VPS13A: variants seen among roughly 807,000 people sequenced by gnomAD.
The protein encoded by VPS13A is vacuolar protein sorting 13 homolog A.
In VPS13A, 264 loss-of-function variants were observed where a neutral mutation model predicts 390.9. The observed-to-expected ratio is 0.68, with a 90% CI of 0.61 to 0.75. VPS13A has a LOEUF of 0.75. Among genes scored for constraint, VPS13A ranks in the 30% least tolerant of loss-of-function variants. The pLI is 0.00. For missense variants in VPS13A, 3,409 were observed against 3,733.9 expected, an observed-to-expected ratio of 0.91 and a Z score of 2.27; for synonymous variants, 1,231 against 1,227.1, an observed-to-expected ratio of 1.00 and a Z score of -0.07.
At chr9:77,413,961 T>C (rs1347167963) in intron 71 of VPS13A, among the ~76,000 whole-genome samples, 2 of 152,294 alleles carry the variant, frequency 1.3e-5, no homozygotes, top group East Asian at 3.9e-4. Flanking sequence ...AAAGAAGACA[T>C]TTATGCAGCC....
At position 77,295,634 on chromosome 9, in the gene VPS13A, C is replaced by G. The variant is rs376174010; in HGVS notation, c.3600C>G (p.Leu1200=). The G allele has an allele frequency of 1.9e-6, 3 of 1,613,858 alleles. No individual in the cohort carries two copies. Among genetic ancestry groups the G allele is most frequent in the African/African-American group, 1.3e-5 (1 of 74,896 alleles). The change falls in exon 33 of 72, where the codon CTC becomes CTG. Residue 1200 remains leucine, a synonymous_variant. Transcript: ENST00000360280. The part of the protein sequence containing the change: ...AGMAATGVKE[L]AQRSSRMALD... The stretch of plus-strand genomic sequence containing the variant: ...TGGCTGCTACTGGTGTAAAAGAACT[C>G]GCACAAAGGAGTTCCAGAATGGCAC...
In VPS13A at chr9:77,206,155, T is replaced by C. The variant is rs73651497; in HGVS notation, c.385+76T>C. On this transcript the variant is annotated intron_variant, in intron 5 of 71. Coordinates refer to ENST00000360280, the MANE Select transcript of VPS13A (RefSeq NM_033305.3). ...AAATATTTATCATAATTGAATATTA[T>C]TTTTCTCTGGAGATGCTGAGATTAT... is the stretch of plus-strand genomic sequence containing the variant. 3,344 of 1,032,214 alleles carry C rather than the reference T, an allele frequency of 3.2e-3. 70 individuals carry two copies. The African/African-American group carries it at 0.049, about 15-fold the overall frequency. The allele number at this position is 1,032,214 out of a possible 1,614,324, so 63.9% of individuals were successfully genotyped here.
intron 11 of VPS13A, 84 bp downstream of exon 11, chr9:77,220,165 CATG>C: frequency 6.6e-7 from 1 of 1,520,312 alleles, no homozygotes; most frequent in Non-Finnish European, 9.0e-7. Context: ...CACTAAAATT[CATG>C]ATGTTATATG....
chr9:77,338,815 ATAGAACTTTTAATTGGATGCTGT>A, intron 47 of VPS13A: 1 of 152,432 alleles, frequency 6.6e-6, no homozygotes, highest in Non-Finnish European at 1.5e-5. Context: ...TTCTGTTCTC[ATAGAACTTTTAATTGGATGCTGT>A]TAGTGATCAC....
At chr9:77,321,423 C>CT in intron 43 of VPS13A, 68 bp from the exon 44 acceptor site, 1 of 1,594,274 alleles carries the variant, frequency 6.3e-7, no homozygotes, top group Non-Finnish European at 8.6e-7. Flanking sequence ...GTCATTTGTC[C>CT]TTTACTGTTC....
rs1223385376 is a variant in VPS13A at position 77,420,649 on chromosome 9, G to GA, written c.*4647dup. ...TGATAGATATCACACTGCTATGATA[G>GA]AAAATCCCTGTCTGTCATTGAACTA... On this transcript the variant is annotated 3_prime_UTR_variant, in exon 72 of 72. Coordinates refer to ENST00000360280, the MANE Select transcript of VPS13A (RefSeq NM_033305.3). 4 of 152,104 alleles carry GA rather than the reference G, an allele frequency of 2.6e-5. No individual in the cohort carries two copies. Among genetic ancestry groups the GA allele is most frequent in the African/African-American group, 9.7e-5 (4 of 41,410 alleles). The allele number at this position is 152,104 out of a possible 1,614,324, so 9.4% of individuals were successfully genotyped here. A position where few individuals can be genotyped will look rare whatever the true frequency, so the allele number is the denominator to read the frequency against.
chr9:77,290,832 A>G (rs150272593), intron 31 of VPS13A, among the ~76,000 whole-genome samples: 2 of 152,242 alleles, frequency 1.3e-5, no homozygotes, highest in East Asian at 1.9e-4. Context: ...TTCACCATCT[A>G]TTCATGCATA....
intron 41 of VPS13A, 80 bp from the exon 42 acceptor site, chr9:77,319,492 T>C: frequency 2.1e-6 from 2 of 949,976 alleles, no homozygotes; most frequent in South Asian, 1.4e-5. Flanking sequence ...GGTTTTTATA[T>C]AGAAGAAATA....
At chr9:77,195,474 C>T (rs186506323) in intron 1 of VPS13A, among the ~76,000 whole-genome samples, 15 of 152,118 alleles carry the variant, frequency 9.9e-5, no homozygotes, top group Non-Finnish European at 2.1e-4. Context: ...CAGTGGCTCA[C>T]GCCTGTAATC....
At chr9:77,196,488 C>T (rs1220297521) in intron 1 of VPS13A, among the ~76,000 whole-genome samples, 1 of 152,134 alleles carries the variant, frequency 6.6e-6, no homozygotes, top group African/African-American at 2.4e-5. Context: ...TCCCCTCTCG[C>T]CAGTATTCCC....
intron 17 of VPS13A, 107 bp downstream of exon 17, chr9:77,228,371 T>C (rs1238544585): frequency 2.7e-6 from 3 of 1,126,800 alleles, no homozygotes; most frequent in African/African-American, 1.6e-5. Context: ...TAGTTTCATA[T>C]ATCCTTTTGT....
At chr9:77,305,174 G>A (rs1441654915) in intron 34 of VPS13A, among the ~76,000 whole-genome samples, 8 of 152,030 alleles carry the variant, frequency 5.3e-5, no homozygotes, top group Middle Eastern at 3.2e-3. Flanking sequence ...TCCTGACCTC[G>A]TGATCCACCC....
intron 46 of VPS13A, among the ~76,000 whole-genome samples, chr9:77,333,229 G>A (rs1204599562): frequency 6.6e-6 from 1 of 151,974 alleles, no homozygotes; most frequent in Non-Finnish European, 1.5e-5. Context: ...TATATATTTT[G>A]TATCTCTGTC....
At chr9:77,231,697 T>C (rs941611681) in intron 17 of VPS13A, among the ~76,000 whole-genome samples, 2 of 152,168 alleles carry the variant, frequency 1.3e-5, no homozygotes, top group Admixed American at 6.5e-5. Context: ...TTCTATTCTT[T>C]ATTTTGTGAT....
intron 22 of VPS13A, 97 bp downstream of exon 22, chr9:77,252,449 G>T (rs1173225584): frequency 3.1e-6 from 3 of 977,612 alleles, no homozygotes; most frequent in Non-Finnish European, 5.0e-6. Context: ...TGTGTGTGGT[G>T]AAATGTATAT....
chr9:77,204,900 AT>A (rs1825548603), intron 3 of VPS13A, among the ~76,000 whole-genome samples: 1 of 152,180 alleles, frequency 6.6e-6, no homozygotes, highest in East Asian at 1.9e-4. Context: ...AAGTGCTAGG[AT>A]TCCAGGTGTT....
At position 77,339,678 on chromosome 9, in the gene VPS13A, G is replaced by C; in HGVS notation, c.6541G>C (p.Val2181Leu). Residue 2181 changes from valine (V) to leucine (L), a missense_variant, in exon 48 of 72, where the codon GTC becomes CTC. By Grantham distance (32) the Val-to-Leu change is conservative. This residue lies in a region of VPS13A where 2,717 missense variants were observed against 2,917.4 expected (regional missense o/e 0.93). Transcript: ENST00000360280. ...GCCTAATCAGCAAGACATTAGTTTT[G>C]TCAGTTTTACTTGTGTTACAGAAAT... ...IKPNQQDISF[V>L]SFTCVTEMEK... 2 of 1,613,884 alleles carry C rather than the reference G, an allele frequency of 1.2e-6. No homozygotes were observed. The highest frequency in any genetic ancestry group is 8.5e-7 in the Non-Finnish European group (1 of 1,179,934).
intron 1 of VPS13A, among the ~76,000 whole-genome samples, chr9:77,191,295 C>CTTTTT (rs200313087): frequency 2.2e-5 from 3 of 134,548 alleles, no homozygotes; most frequent in Non-Finnish European, 3.2e-5. Flanking sequence ...TTTTCTTCTT[C>CTTTTT]TTTTTTTTTT....
intron 23 of VPS13A, among the ~76,000 whole-genome samples, chr9:77,265,175 A>G (rs975077074): frequency 6.6e-6 from 1 of 152,120 alleles, no homozygotes; most frequent in African/African-American, 2.4e-5. Flanking sequence ...AAGCTTTTTG[A>G]TGTGCTGCTG....
Sources: gnomAD v4.1 joint callset for allele counts (sites outside exome capture counted in the v4.1 genomes callset) on GRCh38, gnomAD v4.1.1 for gene constraint, gnomAD v4.1.1 regional missense constraint, MANE v1.5 for transcripts, NCBI Gene and HGNC (gene_info 2026-07-23, HGNC 2026-07-21) for gene names.